UBE2S: variants seen among roughly 807,000 people sequenced by gnomAD.
The protein encoded by UBE2S is ubiquitin-conjugating enzyme E2 S.
In UBE2S, 3 loss-of-function variants were observed where a neutral mutation model predicts 12.3. The ratio of observed to expected loss-of-function variants is 0.24; its 90% confidence interval spans 0.11 to 0.63. UBE2S has a LOEUF of 0.63. UBE2S is among the 30% of genes least tolerant of loss of function. The pLI, the probability that UBE2S is intolerant of heterozygous loss-of-function variation, is 0.85. For missense variants in UBE2S, 211 were observed against 313.9 expected, an observed-to-expected ratio of 0.67 and a Z score of 2.48; for synonymous variants, 133 against 142.0, an observed-to-expected ratio of 0.94 and a Z score of 0.45.
Position 55,401,121 on chromosome 19 carries a change from A to T in UBE2S, c.*315T>A. On this transcript the variant is annotated 3_prime_UTR_variant, in exon 4 of 4. Coordinates refer to ENST00000264552, the MANE Select transcript of UBE2S (RefSeq NM_014501.3). ...ACCGCTCTACCTCCACAGAACAAAGAGGTGGACCCAAACCTCAAACAGCAA... is the reference window on the plus strand; with the variant it reads ...ACCGCTCTACCTCCACAGAACAAAGTGGTGGACCCAAACCTCAAACAGCAA... 2.3e-6 allele frequency: 1 copy of T among 433,050 alleles called. No individual in the cohort carries two copies. The highest frequency in any genetic ancestry group is 4.1e-6 in the Non-Finnish European group (1 of 241,548). 26.8% of individuals were successfully genotyped at this position (433,050 alleles called of 1,614,324 possible). A position where few individuals can be genotyped will look rare whatever the true frequency, so the allele number is the denominator to read the frequency against.
At position 55,401,187 on chromosome 19, in the gene UBE2S, G is replaced by A. The variant is rs968553388; in HGVS notation, c.*249C>T. 1.2e-5 allele frequency: 7 copies of A among 569,626 alleles called. No homozygotes were observed. Among genetic ancestry groups the A allele is most frequent in the African/African-American group, 1.9e-5 (1 of 52,760 alleles). 35.3% of individuals were successfully genotyped at this position (569,626 alleles called of 1,614,324 possible). On this transcript the variant is annotated 3_prime_UTR_variant, in exon 4 of 4. Coordinates refer to ENST00000264552, the MANE Select transcript of UBE2S (RefSeq NM_014501.3). ...TGGACCCACTGCTGCAGTCCATGAG[G>A]CTTTACAAGGACCCAGGGCCTGTGC...
At position 55,407,729 on chromosome 19, in the gene UBE2S, G is replaced by A; in HGVS notation, c.-140C>T. The stretch of plus-strand genomic sequence containing the variant: ...CCCCGCTCCGCTCCCCGCTGCCTCC[G>A]ACGTCCGCCGCGCACAGCGTAGACC... On this transcript the variant is annotated 5_prime_UTR_variant, in exon 1 of 4. Transcript: ENST00000264552. 2 of 578,838 alleles carry A rather than the reference G, an allele frequency of 3.5e-6. No homozygotes were observed. Among genetic ancestry groups the A allele is most frequent in the Non-Finnish European group, 5.0e-6 (2 of 396,628 alleles). 35.9% of individuals were successfully genotyped at this position (578,838 alleles called of 1,614,324 possible).
At position 55,404,318 on chromosome 19, in the gene UBE2S, C is replaced by G; in HGVS notation, c.312G>C (p.Thr104=). The change falls in exon 3 of 4, where the codon ACG becomes ACC. Residue 104 remains threonine (T), a synonymous_variant. Coordinates refer to ENST00000264552, the MANE Select transcript of UBE2S (RefSeq NM_014501.3). The surrounding 1 kb of genome is among the most constrained non-coding windows in gnomAD (Gnocchi z 4.4). The stretch of plus-strand genomic sequence containing the variant: ...GTACGTGTCGGATGCCCAGCTCAGC[C>G]GTCCAGTCCCTCTTGAGCACGTTGA... ...ICVNVLKRDW[T]AELGIRHVLL... 6.2e-7 allele frequency: 1 copy of G among 1,613,454 alleles called. No homozygotes were observed. Among genetic ancestry groups the G allele is most frequent in the Non-Finnish European group, 8.5e-7 (1 of 1,179,876 alleles).
intron 2 of UBE2S, among the ~76,000 whole-genome samples, chr19:55,405,198 G>A (rs1465507650): frequency 4.0e-5 from 4 of 100,622 alleles, no homozygotes; most frequent in Non-Finnish European, 7.4e-5. Flanking sequence ...CAACAAGAGC[G>A]AAACTCTGTT....
intron 3 of UBE2S, chr19:55,403,058 C>A (rs2090073041): frequency 1.5e-6 from 2 of 1,377,700 alleles, no homozygotes; most frequent in Non-Finnish European, 2.0e-6. Flanking sequence ...ATGGAGCCAT[C>A]TCGTACGCTG....
At position 55,404,241 on chromosome 19, in the gene UBE2S, C is replaced by A. The variant is rs750387267; in HGVS notation, c.342+47G>T. 2.5e-6 allele frequency: 4 copies of A among 1,604,170 alleles called. No individual in the cohort carries two copies. In the Admixed American group the frequency reaches 5.0e-5, roughly 20 times the overall value. ...GCGCTATGGCTCAGACACCAGCAGA[C>A]CTCCAGAGGCAGGAGGCAGGAGGCC... is the stretch of plus-strand genomic sequence containing the variant. On this transcript the variant is annotated intron_variant, in intron 3 of 3. Transcript: ENST00000264552. The surrounding 1 kb of genome is among the most constrained non-coding windows in gnomAD (Gnocchi z 4.4).
intron 3 of UBE2S, chr19:55,403,897 T>A: frequency 4.9e-6 from 1 of 203,818 alleles, no homozygotes; most frequent in Non-Finnish European, 1.0e-5. Context: ...TGTGCCACCA[T>A]GCCCGGCTAA....
Position 55,401,203 on chromosome 19 carries a change from G to A in UBE2S, c.*233C>T. ...GTCCATGAGGCTTTACAAGGACCCA[G>A]GGCCTGTGCAGGGGAGCCAAACTCC... is the stretch of plus-strand genomic sequence containing the variant. On this transcript the variant is annotated 3_prime_UTR_variant, in exon 4 of 4. Coordinates refer to ENST00000264552, the MANE Select transcript of UBE2S (RefSeq NM_014501.3). 3 of 591,312 alleles carry A rather than the reference G, an allele frequency of 5.1e-6. No homozygotes were observed. The highest frequency in any genetic ancestry group is 3.7e-5 in the African/African-American group (2 of 53,570). The allele number at this position is 591,312 out of a possible 1,614,324, so 36.6% of individuals were successfully genotyped here.
chr19:55,405,920 C>T (rs920181785), intron 2 of UBE2S, among the ~76,000 whole-genome samples: 1 of 152,184 alleles, frequency 6.6e-6, no homozygotes, highest in African/African-American at 2.4e-5. Flanking sequence ...GGCTAGCTTC[C>T]TGGCTGGCCT....
rs1393252398 is a variant in UBE2S, at chr19:55,400,580, A to G, written c.*856T>C. 4 of 152,258 alleles carry G rather than the reference A, an allele frequency of 2.6e-5. No homozygotes were observed. The highest frequency in any genetic ancestry group is 4.4e-5 in the Non-Finnish European group (3 of 68,058). 9.4% of individuals were successfully genotyped at this position (152,258 alleles called of 1,614,324 possible). A position where few individuals can be genotyped will look rare whatever the true frequency, so the allele number is the denominator to read the frequency against. On this transcript the variant is annotated 3_prime_UTR_variant, in exon 4 of 4. Coordinates refer to ENST00000264552, the MANE Select transcript of UBE2S (RefSeq NM_014501.3). ...GACCTGCCAGGGCCCAAGGAGGGGC[A>G]GCTTCTTGGAGCTAAGACCCTAGTT...
chr19:55,405,133 C>G (rs576442854), intron 2 of UBE2S, among the ~76,000 whole-genome samples: 1 of 147,198 alleles, frequency 6.8e-6, no homozygotes, highest in Non-Finnish European at 1.5e-5. Flanking sequence ...TCCCTTGAAC[C>G]CGGGATGGGG....
chr19:55,407,419 C>G (rs561521867), intron 1 of UBE2S, among the ~76,000 whole-genome samples, 168 bp downstream of exon 1: 494 of 152,200 alleles, frequency 3.2e-3, no homozygotes, highest in African/African-American at 0.012. Context: ...GCGGGCCGCC[C>G]GAGCTCCTGC....
chr19:55,405,512 A>G (rs924074673), intron 2 of UBE2S, among the ~76,000 whole-genome samples: 4 of 151,728 alleles, frequency 2.6e-5, no homozygotes, highest in African/African-American at 9.7e-5. Flanking sequence ...CCGTTTAGAG[A>G]GAGAAAAAAA....
rs771806285 is a variant in UBE2S at position 55,404,465 on chromosome 19, A to G, written c.165T>C (p.Tyr55=). The change falls in exon 3 of 4, where the codon TAT becomes TAC. Residue 55 remains tyrosine (Y), a synonymous_variant. Coordinates refer to ENST00000264552, the MANE Select transcript of UBE2S (RefSeq NM_014501.3). This position sits in a 1 kb window ranked among gnomAD's most constrained non-coding sequence, Gnocchi z 4.4. ...GTTTCATGCGGAACAGACCTCCAGC[A>G]TATGGGGTCCCCTCTGGAGTGGAGG... is the stretch of plus-strand genomic sequence containing the variant. The part of the protein sequence containing the change: ...VTIEGPEGTP[Y]AGGLFRMKLL... The G allele has an allele frequency of 6.2e-7, 1 of 1,608,852 alleles. No homozygotes were observed. The highest frequency in any genetic ancestry group is 1.1e-5 in the South Asian group (1 of 90,174).
intron 2 of UBE2S, among the ~76,000 whole-genome samples, chr19:55,405,211 CAAA>C (rs71181761): frequency 1.1e-5 from 1 of 95,218 alleles, no homozygotes. Flanking sequence ...ACTCTGTTTC[CAAA>C]AAAAAAAAAA....
rs557441663 is a variant in UBE2S at position 55,401,259 on chromosome 19, G to A, written c.*177C>T. The A allele has an allele frequency of 7.2e-5, 54 of 755,220 alleles. No individual in the cohort carries two copies. The highest frequency in any genetic ancestry group is 1.0e-4 in the Non-Finnish European group (49 of 476,540). The allele number at this position is 755,220 out of a possible 1,614,324, so 46.8% of individuals were successfully genotyped here. ...CCACATGGCACCATGCAGCGGTCCTGGGGCATCTGTGAGACACAGAAGCTG... is the reference window on the plus strand; with the variant it reads ...CCACATGGCACCATGCAGCGGTCCTAGGGCATCTGTGAGACACAGAAGCTG... On this transcript the variant is annotated 3_prime_UTR_variant, in exon 4 of 4. Transcript: ENST00000264552.
At chr19:55,407,441 G>T in intron 1 of UBE2S, 146 bp downstream of exon 1, 1 of 869,498 alleles carries the variant, frequency 1.2e-6, no homozygotes. Flanking sequence ...CCGCCTGCGG[G>T]AAGGCCCTCG....
chr19:55,401,826 A>G, intron 3 of UBE2S, 64 bp from the exon 4 acceptor site: 1 of 1,566,608 alleles, frequency 6.4e-7, no homozygotes, highest in Non-Finnish European at 8.7e-7. Flanking sequence ...AGGCCTCCAC[A>G]AGAGGGTGGC....
intron 3 of UBE2S, 65 bp from the exon 4 acceptor site, chr19:55,401,827 A>G (rs2090061622): frequency 1.9e-6 from 3 of 1,564,308 alleles, no homozygotes; most frequent in East Asian, 4.5e-5. Flanking sequence ...GGCCTCCACA[A>G]GAGGGTGGCC....
Sources: allele counts gnomAD v4.1 joint callset (sites outside exome capture counted in the v4.1 genomes callset), GRCh38; gene constraint gnomAD v4.1.1; non-coding constraint Gnocchi (gnomAD v3.1); transcripts MANE v1.5; gene names NCBI Gene and HGNC (gene_info 2026-07-23, HGNC 2026-07-21).